The following PDE4B variants were observed in gnomAD, a reference collection of about 807,000 sequenced individuals.
PDE4B encodes the protein phosphodiesterase 4B, also known as 3',5'-cyclic-AMP phosphodiesterase 4B.
In PDE4B, 20 loss-of-function variants were observed where a neutral mutation model predicts 82.2. The observed-to-expected ratio is 0.24, with a 90% CI of 0.17 to 0.35. The LOEUF is 0.35. PDE4B is among the 10% of genes least tolerant of loss of function. PDE4B has a pLI of 1.00. For missense variants in PDE4B, 655 were observed against 907.2 expected, an observed-to-expected ratio of 0.72 and a Z score of 3.57; for synonymous variants, 320 against 318.9, an observed-to-expected ratio of 1.00 and a Z score of -0.04.
intron 3 of PDE4B, among the ~76,000 whole-genome samples, chr1:66,126,413 C>T (rs572363148): frequency 6.6e-6 from 1 of 152,238 alleles, no homozygotes; most frequent in South Asian, 2.1e-4. Context: ...CTATGTACCC[C>T]CCTACACATT....
intron 7 of PDE4B, among the ~76,000 whole-genome samples, chr1:66,281,228 G>A (rs1263926953): frequency 6.6e-6 from 1 of 152,220 alleles, no homozygotes; most frequent in Non-Finnish European, 1.5e-5. Context: ...TTCTAAATTT[G>A]TTGATGGATT....
chr1:65,932,687 G>A (rs1189852751), intron 3 of PDE4B, among the ~76,000 whole-genome samples: 1 of 152,076 alleles, frequency 6.6e-6, no homozygotes, highest in Non-Finnish European at 1.5e-5. Flanking sequence ...TTATGAAGAT[G>A]TTCACCAAAA....
chr1:66,359,591 CAATT>C (rs1347070597), intron 9 of PDE4B, among the ~76,000 whole-genome samples: 1 of 152,192 alleles, frequency 6.6e-6, no homozygotes, highest in Non-Finnish European at 1.5e-5. Flanking sequence ...TGGTTCAGCT[CAATT>C]ACTCACTGTT....
chr1:65,979,712 G>A (rs1387278118), intron 3 of PDE4B, among the ~76,000 whole-genome samples: 1 of 152,138 alleles, frequency 6.6e-6, no homozygotes. Context: ...GAGTGAAAGC[G>A]CTTGCAGTTT....
chr1:65,982,820 G>A (rs1650755995), intron 3 of PDE4B, among the ~76,000 whole-genome samples: 1 of 152,184 alleles, frequency 6.6e-6, no homozygotes, highest in African/African-American at 2.4e-5. Context: ...TAGTTTTTAA[G>A]AAAAGAGAAG....
At chr1:66,241,864 C>T (rs1652917903) in intron 3 of PDE4B, among the ~76,000 whole-genome samples, 1 of 152,198 alleles carries the variant, frequency 6.6e-6, no homozygotes, top group African/African-American at 2.4e-5. Flanking sequence ...AAGAGCTCCA[C>T]TGAGGTCATC....
chr1:65,855,738 T>A (rs1571021733), intron 1 of PDE4B, among the ~76,000 whole-genome samples: 1 of 152,170 alleles, frequency 6.6e-6, no homozygotes, highest in African/African-American at 2.4e-5. Flanking sequence ...CTGCATATGT[T>A]CCAGCCTCTG....
intron 3 of PDE4B, among the ~76,000 whole-genome samples, chr1:66,064,564 A>T (rs1042538422): frequency 2.6e-5 from 4 of 151,980 alleles, no homozygotes. Context: ...TAGCCAAATG[A>T]AAGCCAAGTG....
intron 3 of PDE4B, among the ~76,000 whole-genome samples, chr1:65,998,001 G>C (rs1186785338): frequency 6.6e-6 from 1 of 152,046 alleles, no homozygotes; most frequent in Non-Finnish European, 1.5e-5. Context: ...GGCAGGAAAG[G>C]TATTTTTTGG....
At chr1:66,055,630 C>A (rs1207109340) in intron 3 of PDE4B, among the ~76,000 whole-genome samples, 2 of 152,196 alleles carry the variant, frequency 1.3e-5, no homozygotes, top group African/African-American at 4.8e-5. Context: ...TCTATAGCAA[C>A]TCCTTCTTTG....
At chr1:66,209,359 A>G (rs868127667) in intron 3 of PDE4B, among the ~76,000 whole-genome samples, 8 of 152,270 alleles carry the variant, frequency 5.3e-5, no homozygotes, top group South Asian at 2.1e-4. Flanking sequence ...CCAATTTTCT[A>G]TATCTGCAGT....
intron 1 of PDE4B, among the ~76,000 whole-genome samples, chr1:65,819,779 C>T (rs934155072): frequency 6.6e-6 from 1 of 152,036 alleles, no homozygotes; most frequent in African/African-American, 2.4e-5. Flanking sequence ...GTCACCGCGC[C>T]TGGCATATTC....
chr1:66,042,518 AT>A (rs1452618820), intron 3 of PDE4B: 8 of 151,826 alleles, frequency 5.3e-5, no homozygotes, highest in Non-Finnish European at 7.4e-5. Flanking sequence ...TGAATGAGGT[AT>A]TTATTTATTG....
chr1:66,253,694 G>T (rs1017271455), intron 4 of PDE4B, among the ~76,000 whole-genome samples: 4 of 152,174 alleles, frequency 2.6e-5, no homozygotes, highest in Admixed American at 2.6e-4. Flanking sequence ...ATTTATAATA[G>T]TTCCATAAAT....
chr1:65,949,521 T>C (rs1648886869), intron 3 of PDE4B, among the ~76,000 whole-genome samples: 1 of 152,138 alleles, frequency 6.6e-6, no homozygotes, highest in South Asian at 2.1e-4. Flanking sequence ...AACACAGCTG[T>C]ATAGCCTATC....
At chr1:66,106,077 T>A (rs1645346961) in intron 3 of PDE4B, among the ~76,000 whole-genome samples, 1 of 152,030 alleles carries the variant, frequency 6.6e-6, no homozygotes, top group African/African-American at 2.4e-5. Flanking sequence ...GCTGTGGGTT[T>A]GTCATAGATA....
At chr1:66,010,074 A>G (rs772417627) in intron 3 of PDE4B, among the ~76,000 whole-genome samples, 48 of 152,160 alleles carry the variant, frequency 3.2e-4, no homozygotes, top group Middle Eastern at 3.4e-3. Context: ...AAACTAGAAC[A>G]CATGGTAGCA....
At chr1:66,295,752 T>C (rs1007421520) in intron 7 of PDE4B, among the ~76,000 whole-genome samples, 2 of 152,172 alleles carry the variant, frequency 1.3e-5, no homozygotes, top group South Asian at 2.1e-4. Flanking sequence ...TTTAAATAAA[T>C]GCTGGCAAAG....
chr1:65,884,097 A>G (rs1646742106), intron 1 of PDE4B, among the ~76,000 whole-genome samples: 1 of 151,364 alleles, frequency 6.6e-6, no homozygotes, highest in Non-Finnish European at 1.5e-5. Flanking sequence ...ATGTTCATCA[A>G]GGATATTGGT....
Sources: allele counts gnomAD v4.1 joint callset (sites outside exome capture counted in the v4.1 genomes callset), GRCh38; gene constraint gnomAD v4.1.1; transcripts MANE v1.5; gene names NCBI Gene and HGNC (gene_info 2026-07-23, HGNC 2026-07-21).